GSTCD: variants seen among roughly 807,000 people sequenced by gnomAD.
GSTCD encodes glutathione S-transferase C-terminal domain-containing protein.
GSTCD carries 44 observed loss-of-function variants against 68.3 expected under a neutral mutation model. The ratio of observed to expected loss-of-function variants is 0.64; its 90% CI spans 0.51 to 0.83. GSTCD has a LOEUF of 0.83. GSTCD is among the 40% of genes least tolerant of loss of function. The probability of loss-of-function intolerance (pLI) is 0.00; values close to 1 mark genes in which losing one functional copy is unlikely to be tolerated. For missense variants in GSTCD, 739 were observed against 735.9 expected (o/e 1.00, Z -0.05); for synonymous variants, 273 against 255.2 (o/e 1.07, Z -0.67).
rs757362297 is a variant in GSTCD, at chr4:105,729,481, G to A, written c.1222G>A (p.Ala408Thr). ...TCTTGATTGGAATGTTCTCCCTGCA[G>A]CAGTCAGCCCAAAGGAAGGTGAGTT... ...WTLDWNVLPA[A>T]VSPKEGKMSS... Residue 408 changes from alanine to threonine, a missense_variant, in exon 5 of 12, where the codon GCA (alanine) becomes ACA (threonine). By Grantham distance (58) the Ala-to-Thr change is moderately conservative. Coordinates refer to ENST00000515279, the MANE Select transcript of GSTCD (RefSeq NM_001370181.1). The A allele has an allele frequency of 6.2e-7, 1 of 1,610,988 alleles. No homozygotes were observed. Among genetic ancestry groups the A allele is most frequent in the Non-Finnish European group, 8.5e-7 (1 of 1,178,012 alleles).
chr4:105,727,088 C>CT (rs5860809), intron 4 of GSTCD, among the ~76,000 whole-genome samples: 43,844 of 137,942 alleles, frequency 0.32, 8,447 homozygotes, highest in African/African-American at 0.54. Context: ...TTTCTCAAAA[C>CT]TTTTTTTTTT....
chr4:105,749,982 C>T (rs1733951378), intron 5 of GSTCD, among the ~76,000 whole-genome samples: 2 of 152,028 alleles, frequency 1.3e-5, no homozygotes, highest in African/African-American at 4.8e-5. Flanking sequence ...AACAGTTAAA[C>T]AAATAAATAG....
intron 3 of GSTCD, among the ~76,000 whole-genome samples, chr4:105,721,787 G>A (rs1026302638): frequency 6.6e-6 from 1 of 152,018 alleles, no homozygotes; most frequent in Non-Finnish European, 1.5e-5. Flanking sequence ...ACCTCATAAG[G>A]AAAGGGGCCT....
chr4:105,816,282 C>A (rs1378293817), intron 5 of GSTCD, among the ~76,000 whole-genome samples: 1 of 152,028 alleles, frequency 6.6e-6, no homozygotes. Context: ...AAAGATCTTC[C>A]CAATCTATTT....
chr4:105,836,419 C>T (rs1724121994), intron 9 of GSTCD, among the ~76,000 whole-genome samples: 1 of 152,190 alleles, frequency 6.6e-6, no homozygotes, highest in Admixed American at 6.5e-5. Flanking sequence ...CGGGCCATTT[C>T]TGGGTTGATG....
intron 6 of GSTCD, 41 bp from the exon 7 acceptor site, chr4:105,823,190 G>A (rs755224658): frequency 1.3e-5 from 21 of 1,610,210 alleles, no homozygotes; most frequent in Non-Finnish European, 1.6e-5. Flanking sequence ...GAAAAGCTGT[G>A]GGGACCAAAG....
At chr4:105,779,043 A>C (rs922146645) in intron 5 of GSTCD, among the ~76,000 whole-genome samples, 3 of 152,166 alleles carry the variant, frequency 2.0e-5, no homozygotes, top group Non-Finnish European at 2.9e-5. Flanking sequence ...CCAAAAAACA[A>C]TTATCAAATT....
intron 1 of GSTCD, among the ~76,000 whole-genome samples, chr4:105,716,796 G>A (rs1732694818): frequency 6.6e-6 from 1 of 152,218 alleles, no homozygotes; most frequent in Non-Finnish European, 1.5e-5. Flanking sequence ...GGAGCAGTGA[G>A]CAATGAAGAA....
intron 5 of GSTCD, among the ~76,000 whole-genome samples, chr4:105,743,240 G>A (rs999710339): frequency 7.2e-5 from 11 of 151,852 alleles, no homozygotes; most frequent in African/African-American, 1.7e-4. Context: ...ATGACCCACC[G>A]CACCCAGCCT....
rs779507286 is a variant in GSTCD, at chr4:105,823,266, A to T, written c.1392A>T (p.Pro464=). The T allele has an allele frequency of 1.2e-6, 2 of 1,613,656 alleles. No individual in the cohort carries two copies. The highest frequency in any genetic ancestry group is 2.2e-5 in the East Asian group (1 of 44,876). The change falls in exon 7 of 12, where the codon CCA becomes CCT. Residue 464 remains proline, a synonymous_variant. Coordinates refer to ENST00000515279, the MANE Select transcript of GSTCD (RefSeq NM_001370181.1). The part of the protein sequence containing the change: ...HVGIVLAHML[P]SCQVTLIENK... ...GAATTGTCCTTGCTCACATGCTGCC[A>T]TCATGTCAGGTAAAGCCAGAATAAG...
At chr4:105,788,654 A>G (rs1735553156) in intron 5 of GSTCD, among the ~76,000 whole-genome samples, 1 of 152,104 alleles carries the variant, frequency 6.6e-6, no homozygotes, top group African/African-American at 2.4e-5. Flanking sequence ...ACACATCTTT[A>G]TCACAGTCTA....
In GSTCD at chr4:105,823,427, A is replaced by G. The variant is rs1723413948; in HGVS notation, c.1401+152A>G. 3 of 545,022 alleles carry G rather than the reference A, an allele frequency of 5.5e-6. No homozygotes were observed. In the South Asian group the frequency reaches 9.2e-5, roughly 17 times the overall value. The allele number at this position is 545,022 out of a possible 1,614,324, so 33.8% of individuals were successfully genotyped here. On this transcript the variant is annotated intron_variant, in intron 7 of 11. Coordinates refer to ENST00000515279, the MANE Select transcript of GSTCD (RefSeq NM_001370181.1). ...GTCTTTTCTTTGAAATAAACTTTCA[A>G]GACTCAGAATCTTAAGGAAAAAAAA...
intron 5 of GSTCD, among the ~76,000 whole-genome samples, chr4:105,821,706 G>T (rs114367865): frequency 6.6e-6 from 1 of 151,708 alleles, no homozygotes; most frequent in Non-Finnish European, 1.5e-5. Flanking sequence ...AGGAAGCAAC[G>T]CATTGACATG....
chr4:105,719,457 A>G lies in GSTCD; in HGVS notation c.824A>G (p.His275Arg), dbSNP rs758873576. 3.7e-6 allele frequency: 6 copies of G among 1,614,060 alleles called. No homozygotes were observed. The South Asian group carries it at 5.5e-5, about 15-fold the overall frequency. The change falls in exon 3 of 12, where the codon CAT becomes CGT. Residue 275 changes from histidine to arginine, a missense_variant. His to Arg is a conservative substitution (Grantham distance 29). Coordinates refer to ENST00000515279, the MANE Select transcript of GSTCD (RefSeq NM_001370181.1). ...GCCTCCGACCTTCCACCTCTGGAGC[A>G]TGTGTTTGCAGAAGGGCTTTACTTC... ...AKASDLPPLE[H>R]VFAEGLYFTL...
intron 5 of GSTCD, among the ~76,000 whole-genome samples, chr4:105,797,831 A>G (rs534670169): frequency 2.7e-4 from 37 of 135,158 alleles, no homozygotes; most frequent in African/African-American, 1.1e-3. Flanking sequence ...CTGGAATGCA[A>G]TGGTGCGATC....
chr4:105,844,316 A>G (rs553171308), intron 11 of GSTCD, among the ~76,000 whole-genome samples: 1 of 152,314 alleles, frequency 6.6e-6, no homozygotes, highest in South Asian at 2.1e-4. Context: ...TGAAGAAGGG[A>G]TGATTTTGCC....
chr4:105,792,028 C>G (rs1196689030), intron 5 of GSTCD, among the ~76,000 whole-genome samples: 1 of 152,042 alleles, frequency 6.6e-6, no homozygotes, highest in Non-Finnish European at 1.5e-5. Context: ...CAGTTACTTA[C>G]AAATGTAATA....
chr4:105,731,247 G>C (rs1446335382), intron 5 of GSTCD, among the ~76,000 whole-genome samples: 2 of 152,162 alleles, frequency 1.3e-5, no homozygotes, highest in Non-Finnish European at 2.9e-5. Context: ...CTTTAAAGTA[G>C]TTTTTTCCAA....
chr4:105,755,773 A>G lies in GSTCD; in HGVS notation c.1240+26274A>G, dbSNP rs576172295. ...GAAGTCTGGAAAGGTAATCCAAGAG[A>G]TAAATTATTCAAGAAAATGCCTTTT... On this transcript the variant is annotated intron_variant, in intron 5 of 11. Transcript: ENST00000515279. 5.9e-5 allele frequency among the ~76,000 whole-genome samples: 9 copies of G among 152,352 alleles called. No homozygotes were observed. In the East Asian group the frequency reaches 1.7e-3, roughly 29 times the overall value.
Sources: gnomAD v4.1 joint callset for allele counts (sites outside exome capture counted in the v4.1 genomes callset) on GRCh38, gnomAD v4.1.1 for gene constraint, MANE v1.5 for transcripts, NCBI Gene and HGNC (gene_info 2026-07-23, HGNC 2026-07-21) for gene names.